GPAM: variants seen among roughly 807,000 people sequenced by gnomAD.
The protein encoded by GPAM is glycerol-3-phosphate acyltransferase, mitochondrial, also known as glycerol-3-phosphate acyltransferase 1, mitochondrial.
GPAM carries 56 observed loss-of-function variants against 105.0 expected under a neutral mutation model. The ratio of observed to expected loss-of-function variants is 0.53; its 90% CI spans 0.43 to 0.67. The LOEUF (loss-of-function observed/expected upper bound fraction) is 0.67, where lower values mean the gene tolerates loss of function less well. Among genes scored for constraint, GPAM ranks in the 30% least tolerant of loss-of-function variants. The pLI is 0.00. For synonymous variants in GPAM, 368 were observed against 354.4 expected, an observed-to-expected ratio of 1.04 and a Z score of -0.43; for missense variants, 855 against 989.8, an observed-to-expected ratio of 0.86 and a Z score of 1.83.
intron 1 of GPAM, among the ~76,000 whole-genome samples, chr10:112,211,103 T>C (rs1324151905): frequency 6.6e-6 from 1 of 152,090 alleles, no homozygotes; most frequent in Non-Finnish European, 1.5e-5. Flanking sequence ...AGGGAGTTTT[T>C]CCCATAGGAG....
In GPAM at chr10:112,168,223, A is replaced by T. The variant is rs889341608; in HGVS notation, c.1107+89T>A. ...TTAAACATAGGGAGTACCAAAAAAA[A>T]TTCTTAATTCTAAAAGCAAATGTAA... On this transcript the variant is annotated intron_variant, in intron 11 of 21. Coordinates refer to ENST00000348367, the MANE Select transcript of GPAM (RefSeq NM_001244949.2). 4 of 807,742 alleles carry T rather than the reference A, an allele frequency of 5.0e-6. No homozygotes were observed. In the African/African-American group the frequency reaches 6.8e-5, roughly 14 times the overall value. The allele number at this position is 807,742 out of a possible 1,614,324, so 50.0% of individuals were successfully genotyped here. A position where few individuals can be genotyped will look rare whatever the true frequency, so the allele number is the denominator to read the frequency against.
chr10:112,191,310 T>C (rs568027555), intron 1 of GPAM, among the ~76,000 whole-genome samples: 2 of 152,262 alleles, frequency 1.3e-5, no homozygotes, highest in East Asian at 3.9e-4. Flanking sequence ...AGATCTCTCT[T>C]GCCATCTCCC....
At position 112,154,621 on chromosome 10, in the gene GPAM, A is replaced by T; in HGVS notation, c.2370+8T>A. ...ATAGCTTTTATACCATAAATGGTGGACACCTACCCCAATATCCTTAAACAT... is the reference window on the plus strand; with the variant it reads ...ATAGCTTTTATACCATAAATGGTGGTCACCTACCCCAATATCCTTAAACAT... On this transcript the variant is annotated splice_region_variant and intron_variant, in intron 21 of 21. Transcript: ENST00000348367. 6.4e-7 allele frequency: 1 copy of T among 1,573,562 alleles called. No homozygotes were observed. The highest frequency in any genetic ancestry group is 8.7e-7 in the Non-Finnish European group (1 of 1,142,940).
At chr10:112,159,827 T>G (rs368325350) in intron 17 of GPAM, 84 bp downstream of exon 17, 3 of 1,324,878 alleles carry the variant, frequency 2.3e-6, no homozygotes, top group Non-Finnish European at 3.2e-6. Flanking sequence ...TCAAACATTA[T>G]CTAACAGAAA....
chr10:112,218,080 C>T (rs1334642089), upstream of GPAM, among the ~76,000 whole-genome samples: 2 of 152,216 alleles, frequency 1.3e-5, no homozygotes, highest in Non-Finnish European at 2.9e-5. Context: ...TGGCCATTGA[C>T]GATTCAAAGG....
intron 4 of GPAM, among the ~76,000 whole-genome samples, chr10:112,179,371 T>C (rs2133264802): frequency 6.6e-6 from 1 of 152,312 alleles, no homozygotes; most frequent in South Asian, 2.1e-4. Context: ...AGATGTCAGA[T>C]CTAAAAAGAA....
intron 18 of GPAM, among the ~76,000 whole-genome samples, chr10:112,157,727 T>A (rs1298976965): frequency 2.0e-5 from 3 of 152,220 alleles, no homozygotes; most frequent in Non-Finnish European, 4.4e-5. Context: ...AAACTGCAGA[T>A]GTGCAAGCTG....
the GPAM span, among the ~76,000 whole-genome samples, chr10:112,221,982 T>A: frequency 1.6e-4 from 24 of 152,234 alleles, no homozygotes; most frequent in Non-Finnish European, 3.1e-4. Flanking sequence ...AGCATCCTTA[T>A]CCTTCAGAGA....
Position 112,209,039 on chromosome 10 carries a change from T to A in GPAM, n.210+6129A>T, listed in dbSNP as rs1029875671. Among the ~76,000 whole-genome samples, 8 of 152,290 alleles carry A rather than the reference T, an allele frequency of 5.3e-5. No individual in the cohort carries two copies. In the South Asian group the frequency reaches 1.7e-3, roughly 32 times the overall value. ...TCAGGGCAAGGACAGGGATTGGGGA[T>A]GGGGACAGTTGAGAAGAAACACATT... On this transcript the variant is annotated intron_variant and non_coding_transcript_variant, in intron 1 of 3. Transcript: ENST00000480130.
the GPAM span, among the ~76,000 whole-genome samples, chr10:112,220,669 C>G: frequency 1.3e-5 from 2 of 152,072 alleles, no homozygotes; most frequent in Non-Finnish European, 1.5e-5. Flanking sequence ...AGGACAATTA[C>G]TTTGCTGCAG....
intron 3 of GPAM, among the ~76,000 whole-genome samples, chr10:112,181,195 A>C (rs1479188580): frequency 1.3e-5 from 2 of 151,674 alleles, no homozygotes; most frequent in Non-Finnish European, 2.9e-5. Flanking sequence ...CAAAAAAAAA[A>C]ACCCCACCAT....
chr10:112,150,208 T>C lies in GPAM; in HGVS notation c.*3342A>G, dbSNP rs1846890269. 1 of 984,732 alleles carries C rather than the reference T, an allele frequency of 1.0e-6. No individual in the cohort carries two copies. The highest frequency in any genetic ancestry group is 1.7e-5 in the African/African-American group (1 of 57,230). 61.0% of individuals were successfully genotyped at this position (984,732 alleles called of 1,614,324 possible). A position where few individuals can be genotyped will look rare whatever the true frequency, so the allele number is the denominator to read the frequency against. On this transcript the variant is annotated 3_prime_UTR_variant, in exon 22 of 22. Transcript: ENST00000348367. Reference sequence around the variant, plus strand: ...TTTTAAAAAACAGGTTTACAGCCCATAGTAAGTCTTAGAAACCTCAACGAT... The same window carrying C: ...TTTTAAAAAACAGGTTTACAGCCCACAGTAAGTCTTAGAAACCTCAACGAT...
chr10:112,168,702 C>A, intron 10 of GPAM, 151 bp downstream of exon 10: 1 of 728,836 alleles, frequency 1.4e-6, no homozygotes. Flanking sequence ...ATAACAACAA[C>A]AACAACAACA....
At chr10:112,174,603 T>C (rs900614582) in intron 6 of GPAM, among the ~76,000 whole-genome samples, 1 of 152,192 alleles carries the variant, frequency 6.6e-6, no homozygotes, top group African/African-American at 2.4e-5. Context: ...TCTAAGAATT[T>C]CACATAATTG....
At chr10:112,155,056 G>T in intron 20 of GPAM, 1 of 298,012 alleles carries the variant, frequency 3.4e-6, no homozygotes. Context: ...CTACCCAGTG[G>T]TACACAGATG....
chr10:112,195,285 T>C (rs755970414), intron 1 of GPAM, among the ~76,000 whole-genome samples: 1 of 152,244 alleles, frequency 6.6e-6, no homozygotes, highest in African/African-American at 2.4e-5. Flanking sequence ...TTACAGATTT[T>C]AGAACAAAAA....
intron 12 of GPAM, among the ~76,000 whole-genome samples, chr10:112,165,310 A>C (rs940314095): frequency 1.3e-5 from 2 of 152,200 alleles, no homozygotes; most frequent in African/African-American, 4.8e-5. Context: ...CAGACTTTCA[A>C]TGAGGATGGC....
upstream of GPAM, among the ~76,000 whole-genome samples, chr10:112,186,920 G>A (rs1403997238): frequency 6.6e-6 from 1 of 152,170 alleles, no homozygotes; most frequent in African/African-American, 2.4e-5. Context: ...TTTATAACAT[G>A]TACAAATAAA....
chr10:112,158,308 C>T lies in GPAM; in HGVS notation c.1980+8G>A, dbSNP rs1265575410. On this transcript the variant is annotated splice_region_variant and intron_variant, in intron 18 of 21. Transcript: ENST00000348367. ...TAAAGACAAATAAAGGAAAGCTCTA[C>T]CTCTTACCTCTGCCACTGTAAGAAT... is the stretch of plus-strand genomic sequence containing the variant. 18 of 1,476,230 alleles carry T rather than the reference C, an allele frequency of 1.2e-5. No homozygotes were observed. The highest frequency in any genetic ancestry group is 1.5e-5 in the Non-Finnish European group (16 of 1,053,980). 91.4% of individuals were successfully genotyped at this position (1,476,230 alleles called of 1,614,324 possible).
Sources: gnomAD v4.1 joint callset for allele counts (sites outside exome capture counted in the v4.1 genomes callset) on GRCh38, gnomAD v4.1.1 for gene constraint, MANE v1.5 for transcripts, NCBI Gene and HGNC (gene_info 2026-07-23, HGNC 2026-07-21) for gene names.